Variants in PRMT9 observed in about 807,000 individuals in gnomAD.
PRMT9 encodes protein arginine N-methyltransferase 9.
In PRMT9, 59 loss-of-function variants were observed where a neutral mutation model predicts 83.2. That is an observed-to-expected ratio of 0.71 (90% CI 0.57 to 0.88). PRMT9 has a LOEUF of 0.88. Ranked by LOEUF, PRMT9 falls within the 40% of genes least tolerant of loss-of-function variation. The pLI is 0.00. For missense variants in PRMT9, 947 were observed against 1,021.9 expected, an observed-to-expected ratio of 0.93 and a Z score of 1.00; for synonymous variants, 333 against 353.2, an observed-to-expected ratio of 0.94 and a Z score of 0.64.
chr4:147,674,555 A>C (rs1022964298), intron 2 of PRMT9, among the ~76,000 whole-genome samples: 1 of 152,196 alleles, frequency 6.6e-6, no homozygotes, highest in Non-Finnish European at 1.5e-5. Flanking sequence ...ATCTGTAATG[A>C]AGAACCTCTC....
At chr4:147,662,509 A>G (rs1048053541) in intron 6 of PRMT9, among the ~76,000 whole-genome samples, 1 of 152,190 alleles carries the variant, frequency 6.6e-6, no homozygotes, top group African/African-American at 2.4e-5. Flanking sequence ...GTCAACAAAA[A>G]TTTACATTGG....
At chr4:147,683,052 A>G (rs567287466) in intron 1 of PRMT9, among the ~76,000 whole-genome samples, 7 of 152,258 alleles carry the variant, frequency 4.6e-5, no homozygotes, top group Admixed American at 3.9e-4. Context: ...ACTTCAAAAA[A>G]GAACAGCATT....
intron 1 of PRMT9, among the ~76,000 whole-genome samples, chr4:147,682,034 C>T (rs1736502709): frequency 6.6e-6 from 1 of 152,146 alleles, no homozygotes; most frequent in Non-Finnish European, 1.5e-5. Flanking sequence ...GAGATGGAGT[C>T]ATACACTGTC....
chr4:147,654,708 A>C (rs1578895844), intron 8 of PRMT9, 142 bp from the exon 9 acceptor site: 2 of 638,850 alleles, frequency 3.1e-6, no homozygotes, highest in East Asian at 5.4e-5. Flanking sequence ...ATATACAAAA[A>C]ACTAGGAAAA....
intron 4 of PRMT9, chr4:147,671,852 A>G: frequency 2.2e-6 from 1 of 456,268 alleles, no homozygotes; most frequent in Non-Finnish European, 4.4e-6. Context: ...GTCCCTCTCA[A>G]AATTCATACT....
intron 7 of PRMT9, among the ~76,000 whole-genome samples, chr4:147,659,849 G>A (rs1734831497): frequency 6.6e-6 from 1 of 152,064 alleles, no homozygotes; most frequent in Non-Finnish European, 1.5e-5. Flanking sequence ...CCAAAGTGCT[G>A]GGAGGACAGG....
chr4:147,677,833 A>G (rs1270276692), intron 2 of PRMT9, among the ~76,000 whole-genome samples: 1 of 152,190 alleles, frequency 6.6e-6, no homozygotes, highest in Admixed American at 6.5e-5. Flanking sequence ...GAGGAGAGAC[A>G]TACGATCCAA....
rs752086737 is a variant in PRMT9 at position 147,654,128 on chromosome 4, C to A, written c.1769G>T (p.Gly590Val). 6.2e-7 allele frequency: 1 copy of A among 1,614,070 alleles called. No individual in the cohort carries two copies. The highest frequency in any genetic ancestry group is 1.3e-5 in the African/African-American group (1 of 74,940). The change falls in exon 9 of 12, where the codon GGC becomes GTC. Residue 590 changes from glycine to valine, a missense_variant. Coordinates refer to ENST00000322396, the MANE Select transcript of PRMT9 (RefSeq NM_138364.4). ...AGCAATAACAGGCAGAACAGAGAAG[C>A]CTTCGGACACATCTAACACGTAGAA... ...EPFYVLDVSE[G>V]FSVLPVIAGT...
At chr4:147,657,019 A>T (rs1394237720) in intron 8 of PRMT9, among the ~76,000 whole-genome samples, 5 of 151,800 alleles carry the variant, frequency 3.3e-5, no homozygotes, top group Admixed American at 1.3e-4. Context: ...CAAAAAAAAA[A>T]TCTTTATACA....
At chr4:147,646,774 G>A (rs1733757738) in intron 9 of PRMT9, among the ~76,000 whole-genome samples, 1 of 152,066 alleles carries the variant, frequency 6.6e-6, no homozygotes, top group Non-Finnish European at 1.5e-5. Flanking sequence ...GTTAGCATCA[G>A]GTGCTATAAA....
chr4:147,642,230 G>A (rs1453746768), intron 10 of PRMT9, among the ~76,000 whole-genome samples: 1 of 152,000 alleles, frequency 6.6e-6, no homozygotes, highest in African/African-American at 2.4e-5. Context: ...TGATTCGAAG[G>A]CGTATCTAAA....
intron 9 of PRMT9, among the ~76,000 whole-genome samples, chr4:147,648,937 T>A (rs1322408147): frequency 2.0e-5 from 3 of 152,174 alleles, no homozygotes; most frequent in Non-Finnish European, 4.4e-5. Context: ...TCTGCTTATC[T>A]TTACTAACAT....
chr4:147,652,602 CT>C (rs1734182653), intron 9 of PRMT9, among the ~76,000 whole-genome samples: 1 of 151,944 alleles, frequency 6.6e-6, no homozygotes, highest in Non-Finnish European at 1.5e-5. Context: ...GGAAAAATCA[CT>C]TGAGCCCAGG....
chr4:147,684,107 C>G lies in PRMT9; in HGVS notation c.-120G>C, dbSNP rs913758957. 1 of 1,191,432 alleles carries G rather than the reference C, an allele frequency of 8.4e-7. No homozygotes were observed. The highest frequency in any genetic ancestry group is 2.0e-5 in the Admixed American group (1 of 50,158). 73.8% of individuals were successfully genotyped at this position (1,191,432 alleles called of 1,614,324 possible). On this transcript the variant is annotated 5_prime_UTR_variant, in exon 1 of 12. Transcript: ENST00000322396. ...TCAAAAAACAGCACAGCAAAGTTAC[C>G]CTCCGCCGCGGGTGAACTCGCCAAC...
chr4:147,647,774 C>T (rs555646875), intron 9 of PRMT9, among the ~76,000 whole-genome samples: 1 of 152,076 alleles, frequency 6.6e-6, no homozygotes, highest in Non-Finnish European at 1.5e-5. Context: ...CCACCCACCT[C>T]GGCCTCCCAA....
At position 147,683,911 on chromosome 4, in the gene PRMT9, G is replaced by A; in HGVS notation, c.77C>T (p.Ser26Leu). Residue 26 changes from serine to leucine, a missense_variant, in exon 1 of 12, where the codon TCG becomes TTG. Transcript: ENST00000322396. ...AGAAGRDELV[S>L]RSLQSAEHCL... ...GTGCTCTGCGCTCTGCAAGGACCGC[G>A]ACACCAGCTCGTCCCGGCCGGCTGC... is the stretch of plus-strand genomic sequence containing the variant. The A allele has an allele frequency of 3.7e-6, 6 of 1,613,374 alleles. No homozygotes were observed. The highest frequency in any genetic ancestry group is 5.1e-6 in the Non-Finnish European group (6 of 1,179,872).
rs904479563 is a variant in PRMT9, at chr4:147,666,291, G to A, written c.953+2248C>T. The stretch of plus-strand genomic sequence containing the variant: ...TTTTTTTCAATTGTTTTAAAATGTG[G>A]TCACATTTGTCAATGTTCTGTGGCT... On this transcript the variant is annotated intron_variant, in intron 6 of 11. Transcript: ENST00000322396. Among the ~76,000 whole-genome samples, 6 of 151,918 alleles carry A rather than the reference G, an allele frequency of 3.9e-5. No individual in the cohort carries two copies. The East Asian group carries it at 1.2e-3, about 29-fold the overall frequency.
At chr4:147,664,951 TA>T (rs1006027847) in intron 6 of PRMT9, among the ~76,000 whole-genome samples, 8 of 149,194 alleles carry the variant, frequency 5.4e-5, no homozygotes, top group Middle Eastern at 3.5e-3. Flanking sequence ...CCCTCTCTAC[TA>T]AAAAAAAATA....
chr4:147,638,875 T>G (rs1000606159), intron 11 of PRMT9, 85 bp downstream of exon 11: 1 of 1,410,904 alleles, frequency 7.1e-7, no homozygotes, highest in African/African-American at 1.4e-5. Flanking sequence ...TTAAAGTAGC[T>G]AAAAGTATGT....
Sources: allele counts gnomAD v4.1 joint callset (sites outside exome capture counted in the v4.1 genomes callset), GRCh38; gene constraint gnomAD v4.1.1; transcripts MANE v1.5; gene names NCBI Gene and HGNC (gene_info 2026-07-23, HGNC 2026-07-21).